CHST15: variants seen among roughly 807,000 people sequenced by gnomAD.
CHST15 encodes B cell RAG associated protein (GALNAC4S-6ST).
Under a neutral mutation model 53.6 loss-of-function variants are expected in CHST15, and 30 were observed. That is an observed-to-expected ratio of 0.56 (90% CI 0.42 to 0.76). The LOEUF (loss-of-function observed/expected upper bound fraction) is 0.76, where lower values mean the gene tolerates loss of function less well. Ranked by LOEUF, CHST15 falls within the 30% of genes least tolerant of loss-of-function variation. The probability of loss-of-function intolerance (pLI) is 0.00; values close to 1 mark genes in which losing one functional copy is unlikely to be tolerated. For missense variants in CHST15, 627 were observed against 740.5 expected (o/e 0.85, Z 1.78); for synonymous variants, 296 against 289.8 (o/e 1.02, Z -0.22).
chr10:124,009,034 C>G lies in CHST15; in HGVS notation c.*1115G>C, dbSNP rs758991825. 7.8e-7 allele frequency: 1 copy of G among 1,289,094 alleles called. No individual in the cohort carries two copies. The highest frequency in any genetic ancestry group is 1.0e-6 in the Non-Finnish European group (1 of 988,670). The allele number at this position is 1,289,094 out of a possible 1,614,324, so 79.9% of individuals were successfully genotyped here. A position where few individuals can be genotyped will look rare whatever the true frequency, so the allele number is the denominator to read the frequency against. On this transcript the variant is annotated 3_prime_UTR_variant, in exon 8 of 8. Coordinates refer to ENST00000435907, the MANE Select transcript of CHST15 (RefSeq NM_001270764.2). ...TGCATTGTGTTTTGGAATTGGGACA[C>G]GAGTATCTATAGTCCCTTGCTGGGT...
chr10:124,033,498 C>T (rs1358101706), intron 5 of CHST15, among the ~76,000 whole-genome samples: 1 of 152,180 alleles, frequency 6.6e-6, no homozygotes, highest in African/African-American at 2.4e-5. Context: ...TAGTGTCTTC[C>T]CACTGAGTGT....
intron 1 of CHST15, among the ~76,000 whole-genome samples, chr10:124,083,504 C>CT (rs1290225020): frequency 4.0e-5 from 6 of 151,732 alleles, no homozygotes; most frequent in African/African-American, 7.3e-5. Flanking sequence ...TTTTCTTTTC[C>CT]TTTTTTTTGC....
intron 5 of CHST15, among the ~76,000 whole-genome samples, chr10:124,029,678 G>C (rs1387637148): frequency 1.3e-5 from 2 of 152,232 alleles, no homozygotes; most frequent in African/African-American, 4.8e-5. Flanking sequence ...AAACTGGGGT[G>C]CACTGAGGAT....
intron 1 of CHST15, among the ~76,000 whole-genome samples, chr10:124,054,490 A>C (rs959139955): frequency 6.6e-6 from 1 of 152,246 alleles, no homozygotes; most frequent in African/African-American, 2.4e-5. Context: ...CCCCAAGATC[A>C]GATCTCTACA....
rs1447102521 is a variant in CHST15 at position 124,008,502 on chromosome 10, G to A, written c.*1647C>T. On this transcript the variant is annotated 3_prime_UTR_variant, in exon 8 of 8. Transcript: ENST00000435907. The stretch of plus-strand genomic sequence containing the variant: ...AGGTGGGGACTGTCCCTGCAAGTGG[G>A]AGTTCAGGACACACGCTCCTTCAGT... 12 of 992,536 alleles carry A rather than the reference G, an allele frequency of 1.2e-5. No individual in the cohort carries two copies. The highest frequency in any genetic ancestry group is 1.4e-5 in the Non-Finnish European group (12 of 833,814). 61.5% of individuals were successfully genotyped at this position (992,536 alleles called of 1,614,324 possible).
intron 4 of CHST15, among the ~76,000 whole-genome samples, chr10:124,040,965 A>T (rs916528736): frequency 6.6e-6 from 1 of 152,166 alleles, no homozygotes; most frequent in African/African-American, 2.4e-5. Flanking sequence ...CATCTCTTTC[A>T]TAAGAACATG....
At chr10:124,018,321 A>G (rs1244658068) in intron 6 of CHST15, among the ~76,000 whole-genome samples, 3 of 152,242 alleles carry the variant, frequency 2.0e-5, no homozygotes, top group East Asian at 1.9e-4. Flanking sequence ...TTGTAATTAC[A>G]GTTGTTTAGG....
chr10:124,057,053 G>A (rs1948409325), intron 1 of CHST15, among the ~76,000 whole-genome samples: 1 of 152,196 alleles, frequency 6.6e-6, no homozygotes, highest in Non-Finnish European at 1.5e-5. Context: ...AAACTTCAGA[G>A]CAGCAAAGGA....
At chr10:124,069,370 C>A in intron 1 of CHST15, among the ~76,000 whole-genome samples, 1 of 82,024 alleles carries the variant, frequency 1.2e-5, no homozygotes, top group South Asian at 4.1e-4. Context: ...TTGGGGGACC[C>A]CCCCCCCAAC....
Position 124,010,335 on chromosome 10 carries a change from G to T in CHST15, c.1500C>A (p.Pro500=). The change falls in exon 8 of 8, where the codon CCC becomes CCA. Residue 500 remains proline (P), a synonymous_variant. Coordinates refer to ENST00000435907, the MANE Select transcript of CHST15 (RefSeq NM_001270764.2). Reference sequence around the variant, plus strand: ...TCAAAGCCTCCTGCTTCTCACTTAAGGGCCCTAGAATAAAAGAAGACGAGT... The same window carrying T: ...TCAAAGCCTCCTGCTTCTCACTTAATGGCCCTAGAATAAAAGAAGACGAGT... ...HKVFQFLNLG[P]LSEKQEALMT... is the part of the protein sequence containing the mutation. 6.3e-7 allele frequency: 1 copy of T among 1,593,476 alleles called. No individual in the cohort carries two copies. Among genetic ancestry groups the T allele is most frequent in the Non-Finnish European group, 8.6e-7 (1 of 1,169,238 alleles).
intron 7 of CHST15, chr10:124,011,887 C>A (rs28715221): frequency 0.031 from 30,155 of 980,726 alleles, 888 homozygotes; most frequent in African/African-American, 0.12. Flanking sequence ...TGCTCCAGCC[C>A]CCCGGTGACA....
At chr10:124,029,247 T>C (rs1249285782) in intron 5 of CHST15, among the ~76,000 whole-genome samples, 1 of 152,236 alleles carries the variant, frequency 6.6e-6, no homozygotes, top group Non-Finnish European at 1.5e-5. Flanking sequence ...AAACTGTGAC[T>C]GTCTCATCAG....
At chr10:124,045,135 A>AAAC (rs1564882360) in intron 2 of CHST15, among the ~76,000 whole-genome samples, 4 of 148,370 alleles carry the variant, frequency 2.7e-5, no homozygotes, top group South Asian at 4.2e-4. Flanking sequence ...AAAAAAAAAA[A>AAAC]AAAAAAAAAC....
chr10:124,066,460 GAA>G (rs58739908), intron 1 of CHST15, among the ~76,000 whole-genome samples: 10 of 145,882 alleles, frequency 6.9e-5, no homozygotes, highest in Non-Finnish European at 1.1e-4. Context: ...CTGGGGGAAA[GAA>G]AAAAAAAAAC....
intron 1 of CHST15, among the ~76,000 whole-genome samples, chr10:124,066,700 T>C (rs1189358917): frequency 6.6e-6 from 1 of 152,164 alleles, no homozygotes; most frequent in Non-Finnish European, 1.5e-5. Context: ...GCGTTCACCT[T>C]ACAATTTAAG....
intron 1 of CHST15, among the ~76,000 whole-genome samples, chr10:124,068,141 G>T (rs1297424653): frequency 1.3e-5 from 2 of 152,172 alleles, no homozygotes; most frequent in Non-Finnish European, 2.9e-5. Context: ...CCTGCTCGGG[G>T]GGTCAGAGGC....
In CHST15 at chr10:124,009,070, G is replaced by C; in HGVS notation, c.*1079C>G. ...AGTCCCTTGCTGGGTGAGGAACTTTGACCACACGCAGTGGAGAATGTGGAA... is the reference window on the plus strand; with the variant it reads ...AGTCCCTTGCTGGGTGAGGAACTTTCACCACACGCAGTGGAGAATGTGGAA... On this transcript the variant is annotated 3_prime_UTR_variant, in exon 8 of 8. Transcript: ENST00000435907. 7.8e-7 allele frequency: 1 copy of C among 1,283,554 alleles called. No homozygotes were observed. Among genetic ancestry groups the C allele is most frequent in the Non-Finnish European group, 1.0e-6 (1 of 984,046 alleles). The allele number at this position is 1,283,554 out of a possible 1,614,324, so 79.5% of individuals were successfully genotyped here. A position where few individuals can be genotyped will look rare whatever the true frequency, so the allele number is the denominator to read the frequency against.
chr10:124,010,244 T>A lies in CHST15; in HGVS notation c.1591A>T (p.Ile531Phe), dbSNP rs773338113. Residue 531 changes from isoleucine (I) to phenylalanine (F), a missense_variant, in exon 8 of 8, where the codon ATC (isoleucine) becomes TTC (phenylalanine). Ile to Phe is a conservative substitution (Grantham distance 21, BLOSUM62 0). This residue lies in a region of CHST15 where 279 missense variants were observed against 371.6 expected (regional missense o/e 0.75). Transcript: ENST00000435907. ...EDRNLGPMWP[I>F]TQKILRDFYR... ...AAATCCCGCAGAATCTTCTGTGTGATGGGCCACATGGGCCCCAGGTTCCGG... is the reference window on the plus strand; with the variant it reads ...AAATCCCGCAGAATCTTCTGTGTGAAGGGCCACATGGGCCCCAGGTTCCGG... 6.2e-7 allele frequency: 1 copy of A among 1,613,988 alleles called. No homozygotes were observed. Among genetic ancestry groups the A allele is most frequent in the African/African-American group, 1.3e-5 (1 of 74,944 alleles).
At chr10:124,071,798 A>G (rs1948923151) in intron 1 of CHST15, among the ~76,000 whole-genome samples, 2 of 152,250 alleles carry the variant, frequency 1.3e-5, no homozygotes, top group African/African-American at 4.8e-5. Flanking sequence ...GTTTTCTAAT[A>G]ACTGAATTAA....
Sources: gnomAD v4.1 joint callset for allele counts (sites outside exome capture counted in the v4.1 genomes callset) on GRCh38, gnomAD v4.1.1 for gene constraint, gnomAD v4.1.1 regional missense constraint, MANE v1.5 for transcripts, NCBI Gene and HGNC (gene_info 2026-07-23, HGNC 2026-07-21) for gene names.